CACNA2D1: variants seen among roughly 807,000 people sequenced by gnomAD.
CACNA2D1 encodes the protein voltage-dependent calcium channel subunit alpha-2/delta-1.
CACNA2D1 carries 53 observed loss-of-function variants against 171.5 expected under a neutral mutation model. The observed-to-expected ratio is 0.31, with a 90% CI of 0.25 to 0.39. The LOEUF is 0.39. Among genes scored for constraint, CACNA2D1 ranks in the 10% least tolerant of loss-of-function variants. CACNA2D1 has a pLI of 1.00. For missense variants in CACNA2D1, 903 were observed against 1,299.8 expected (o/e 0.69, Z 4.69); for synonymous variants, 442 against 443.1 (o/e 1.00, Z 0.03).
intron 6 of CACNA2D1, among the ~76,000 whole-genome samples, chr7:82,097,346 A>G (rs1812011165): frequency 1.3e-5 from 2 of 152,240 alleles, no homozygotes; most frequent in Non-Finnish European, 2.9e-5. Flanking sequence ...TGCAAAAGCC[A>G]GCCAGATGTG....
intron 5 of CACNA2D1, among the ~76,000 whole-genome samples, chr7:82,117,992 C>T (rs544762262): frequency 1.3e-5 from 2 of 152,176 alleles, no homozygotes; most frequent in Admixed American, 6.5e-5. Flanking sequence ...TAAATCTCAT[C>T]CTCTTGCTTT....
At chr7:82,256,773 A>T (rs1238944768) in intron 3 of CACNA2D1, among the ~76,000 whole-genome samples, 1 of 152,212 alleles carries the variant, frequency 6.6e-6, no homozygotes, top group Non-Finnish European at 1.5e-5. Context: ...TGACAAAAGG[A>T]AAGCATGAAT....
At chr7:82,288,078 G>T (rs1009464779) in intron 3 of CACNA2D1, among the ~76,000 whole-genome samples, 2 of 150,626 alleles carry the variant, frequency 1.3e-5, no homozygotes, top group Non-Finnish European at 2.9e-5. Context: ...CTGACCTCGT[G>T]ATCTGCCCGC....
intron 4 of CACNA2D1, among the ~76,000 whole-genome samples, chr7:82,140,086 C>T (rs1442128259): frequency 2.0e-5 from 3 of 151,920 alleles, no homozygotes; most frequent in African/African-American, 4.8e-5. Flanking sequence ...CCACCATGCC[C>T]GGCCTTGACA....
chr7:82,113,707 G>A lies in CACNA2D1; in HGVS notation c.526+3337C>T, dbSNP rs190063061. On this transcript the variant is annotated intron_variant, in intron 6 of 38. Coordinates refer to ENST00000356860, the MANE Select transcript of CACNA2D1 (RefSeq NM_000722.4). ...TTCATATTCATTAAACTCAGAAGCC[G>A]AGAACAATCCTCTAAATCGGATATG... Among the ~76,000 whole-genome samples, 11 of 152,170 alleles carry A rather than the reference G, an allele frequency of 7.2e-5. No homozygotes were observed. In the South Asian group the frequency reaches 8.3e-4, roughly 11 times the overall value.
At chr7:82,085,245 G>A (rs1810310956) in intron 6 of CACNA2D1, among the ~76,000 whole-genome samples, 1 of 152,052 alleles carries the variant, frequency 6.6e-6, no homozygotes, top group African/African-American at 2.4e-5. Flanking sequence ...CAGCATCTCT[G>A]GCCTCTATCC....
intron 6 of CACNA2D1, among the ~76,000 whole-genome samples, chr7:82,113,183 T>C (rs1788652413): frequency 6.6e-6 from 1 of 152,160 alleles, no homozygotes; most frequent in Non-Finnish European, 1.5e-5. Context: ...ATTAATGTTA[T>C]TCTTATAGAA....
At chr7:82,428,803 G>A (rs1488806892) in intron 1 of CACNA2D1, among the ~76,000 whole-genome samples, 1 of 152,164 alleles carries the variant, frequency 6.6e-6, no homozygotes, top group East Asian at 1.9e-4. Context: ...GGCTATACCA[G>A]AAGCAGGGTT....
At chr7:81,971,020 T>A (rs1562798701) in intron 26 of CACNA2D1, 1 of 395,380 alleles carries the variant, frequency 2.5e-6, no homozygotes, top group Admixed American at 3.9e-5. Flanking sequence ...TAGAGAGGAA[T>A]GTATACATAA....
chr7:82,388,654 T>A lies in CACNA2D1; in HGVS notation c.96-39005A>T, dbSNP rs549959452. Among the ~76,000 whole-genome samples the A allele has an allele frequency of 1.1e-3, 168 of 152,304 alleles. 5 individuals carry two copies. The highest frequency in any genetic ancestry group is 3.7e-3 in the African/African-American group (152 of 41,568). ...ATTTCATGTGAGGGGAAAAAAAGTT[T>A]GCTTAAAGTTTATATGAGGTCCTGT... On this transcript the variant is annotated intron_variant, in intron 1 of 38. Coordinates refer to ENST00000356860, the MANE Select transcript of CACNA2D1 (RefSeq NM_000722.4).
At chr7:82,437,335 T>C (rs7793151) in intron 1 of CACNA2D1, among the ~76,000 whole-genome samples, 45,255 of 151,962 alleles carry the variant, frequency 0.3, 8,065 homozygotes, top group South Asian at 0.55. Flanking sequence ...GTATTTTTAA[T>C]TACACAGAAA....
intron 19 of CACNA2D1, 100 bp downstream of exon 19, chr7:81,997,079 G>T: frequency 1.3e-6 from 1 of 790,248 alleles, no homozygotes; most frequent in South Asian, 1.3e-5. Context: ...GTATCAAACA[G>T]ACAAGCTAAC....
intron 3 of CACNA2D1, among the ~76,000 whole-genome samples, chr7:82,321,271 C>T (rs80353014): frequency 0.12 from 17,755 of 151,938 alleles, 1,413 homozygotes; most frequent in African/African-American, 0.21. Context: ...TGGTGGTGCG[C>T]GCTTGTAACC....
At chr7:82,113,893 T>C (rs377489791) in intron 6 of CACNA2D1, among the ~76,000 whole-genome samples, 1 of 152,152 alleles carries the variant, frequency 6.6e-6, no homozygotes, top group Non-Finnish European at 1.5e-5. Context: ...ACTGATGAGA[T>C]TTCAGCAAAG....
chr7:82,152,707 A>T, intron 4 of CACNA2D1, among the ~76,000 whole-genome samples: 1 of 152,096 alleles, frequency 6.6e-6, no homozygotes, highest in East Asian at 1.9e-4. Flanking sequence ...TCTTAAAGGA[A>T]TGACATCAAA....
chr7:81,982,867 C>T (rs1038749831), intron 23 of CACNA2D1: 7 of 579,080 alleles, frequency 1.2e-5, no homozygotes, highest in African/African-American at 1.1e-4. Context: ...AAAGAAAATG[C>T]TATGTCTATA....
chr7:82,423,179 C>T (rs1828872366), intron 1 of CACNA2D1, among the ~76,000 whole-genome samples: 1 of 151,924 alleles, frequency 6.6e-6, no homozygotes, highest in Non-Finnish European at 1.5e-5. Flanking sequence ...AGCCTCAGCC[C>T]CATAGGCCAA....
intron 1 of CACNA2D1, among the ~76,000 whole-genome samples, chr7:82,353,495 C>A (rs1413875534): frequency 1.3e-5 from 2 of 151,918 alleles, no homozygotes; most frequent in Admixed American, 6.6e-5. Context: ...AAAGAGAAAT[C>A]TCCATAGAAA....
chr7:82,031,345 T>G (rs1247920461), intron 12 of CACNA2D1, among the ~76,000 whole-genome samples: 1 of 151,976 alleles, frequency 6.6e-6, no homozygotes, highest in East Asian at 1.9e-4. Flanking sequence ...TATGCACATA[T>G]TAGTTAATGC....
Sources: allele counts gnomAD v4.1 joint callset (sites outside exome capture counted in the v4.1 genomes callset), GRCh38; gene constraint gnomAD v4.1.1; transcripts MANE v1.5; gene names NCBI Gene and HGNC (gene_info 2026-07-23, HGNC 2026-07-21).